The following SYTL2 variants were observed in gnomAD, a reference collection of about 807,000 sequenced individuals.
The protein encoded by SYTL2 is synaptotagmin-like protein 2.
In SYTL2, 165 loss-of-function variants were observed where a neutral mutation model predicts 198.7. The ratio of observed to expected loss-of-function variants is 0.83; its 90% CI spans 0.73 to 0.94. The LOEUF (loss-of-function observed/expected upper bound fraction) is 0.94. Ranked by LOEUF, SYTL2 falls within the 40% of genes least tolerant of loss-of-function variation. The pLI is 0.00. For synonymous variants in SYTL2, 966 were observed against 917.7 expected, an observed-to-expected ratio of 1.05 and a Z score of -0.95; for missense variants, 2,835 against 2,582.8, an observed-to-expected ratio of 1.10 and a Z score of -2.12.
At chr11:85,827,859 T>C in the SYTL2 span, among the ~76,000 whole-genome samples, 2 of 152,206 alleles carry the variant, frequency 1.3e-5, no homozygotes. Context: ...ATCTAGGTAG[T>C]GATAAGAATG....
intron 1 of SYTL2, among the ~76,000 whole-genome samples, chr11:85,777,525 G>A (rs2092471701): frequency 1.3e-5 from 2 of 152,058 alleles, no homozygotes; most frequent in Non-Finnish European, 2.9e-5. Flanking sequence ...AGGGAGAGGA[G>A]GGGAATGGCT....
intron 16 of SYTL2, among the ~76,000 whole-genome samples, chr11:85,702,749 A>G (rs1219750110): frequency 1.3e-5 from 2 of 152,192 alleles, no homozygotes; most frequent in East Asian, 1.9e-4. Context: ...CTCATATGCA[A>G]TACCCCACAT....
Position 85,768,592 on chromosome 11 carries a change from A to G in SYTL2, c.-389-10478T>C, listed in dbSNP as rs1033181415. ...ACTCAATCCCTTTCCATGCCATTAT[A>G]AGGTTGGAGAACTACTTCTGCTACC... On this transcript the variant is annotated intron_variant, in intron 1 of 19. Coordinates refer to ENST00000359152, the MANE Select transcript of SYTL2 (RefSeq NM_206927.4). Among the ~76,000 whole-genome samples, 9 of 152,156 alleles carry G rather than the reference A, an allele frequency of 5.9e-5. 1 individual carries two copies. In the South Asian group the frequency reaches 8.3e-4, roughly 14 times the overall value.
Position 85,727,534 on chromosome 11 carries a change from A to T in SYTL2, c.1824T>A (p.Asn608Lys). Reference sequence around the variant, plus strand: ...TCATGAATTTGGATTTGATATTCACATTATTATCTTGGCAACTTTCAGAAA... The same window carrying T: ...TCATGAATTTGGATTTGATATTCACTTTATTATCTTGGCAACTTTCAGAAA... ...MLVSESCQDN[N>K]VNIKSKFMNL... Residue 608 changes from asparagine to lysine, a missense_variant, in exon 8 of 20, where the codon AAT (asparagine) becomes AAA (lysine). By Grantham distance (94) the Asn-to-Lys change is moderately conservative. Coordinates refer to ENST00000359152, the MANE Select transcript of SYTL2 (RefSeq NM_206927.4). The T allele has an allele frequency of 6.5e-7, 1 of 1,536,054 alleles. No individual in the cohort carries two copies. Among genetic ancestry groups the T allele is most frequent in the East Asian group, 2.4e-5 (1 of 40,906 alleles).
At chr11:85,775,277 G>T (rs2092432506) in intron 1 of SYTL2, among the ~76,000 whole-genome samples, 1 of 152,010 alleles carries the variant, frequency 6.6e-6, no homozygotes. Flanking sequence ...CTCTGTTTGG[G>T]ATTAAGCTAG....
At chr11:85,732,252 A>C (rs2089897764) in intron 7 of SYTL2, among the ~76,000 whole-genome samples, 1 of 152,234 alleles carries the variant, frequency 6.6e-6, no homozygotes, top group African/African-American at 2.4e-5. Flanking sequence ...GTATATATCT[A>C]AAGTATTATA....
chr11:85,781,139 C>T (rs1380016083), intron 1 of SYTL2, among the ~76,000 whole-genome samples: 1 of 152,140 alleles, frequency 6.6e-6, no homozygotes, highest in African/African-American at 2.4e-5. Context: ...GTTTAATTGA[C>T]TCAAAGTTCA....
the SYTL2 span, among the ~76,000 whole-genome samples, chr11:85,817,898 TTTTC>T: frequency 0.02 from 2,616 of 129,742 alleles, 99 homozygotes; most frequent in African/African-American, 0.074. Context: ...CCTTTGTGTC[TTTTC>T]TTTTTTTTTT....
At chr11:85,762,030 T>G (rs2092108484) in intron 1 of SYTL2, among the ~76,000 whole-genome samples, 1 of 152,230 alleles carries the variant, frequency 6.6e-6, no homozygotes, top group African/African-American at 2.4e-5. Context: ...GCCACCAAGC[T>G]TATGTCTGAC....
intron 2 of SYTL2, among the ~76,000 whole-genome samples, chr11:85,755,421 C>T (rs1437677987): frequency 6.6e-6 from 1 of 152,146 alleles, no homozygotes; most frequent in Non-Finnish European, 1.5e-5. Context: ...AGGCTTTTCA[C>T]CAATCCAAGC....
chr11:85,844,139 T>G, the SYTL2 span, among the ~76,000 whole-genome samples: 3 of 152,304 alleles, frequency 2.0e-5, no homozygotes, highest in East Asian at 5.8e-4. Context: ...GCAGTCCCCC[T>G]GTTGGTGACT....
chr11:85,802,650 A>C (rs2092907525), intron 1 of SYTL2, among the ~76,000 whole-genome samples: 1 of 152,354 alleles, frequency 6.6e-6, no homozygotes, highest in African/African-American at 2.4e-5. Flanking sequence ...AAGAGAGGAA[A>C]GAAAGAGAAG....
the SYTL2 span, among the ~76,000 whole-genome samples, chr11:85,849,762 C>T: frequency 8.2e-5 from 12 of 146,796 alleles, no homozygotes; most frequent in Non-Finnish European, 1.2e-4. Context: ...ATTGACTTGG[C>T]GATGCGGGCT....
At position 85,695,123 on chromosome 11, in the gene SYTL2, C is replaced by T; in HGVS notation, c.*72G>A. Reference sequence around the variant, plus strand: ...GATAGAAAGTGAGGATATTTGTCCACCTACTCAGATTTTCAAGATCAGATT... The same window carrying T: ...GATAGAAAGTGAGGATATTTGTCCATCTACTCAGATTTTCAAGATCAGATT... On this transcript the variant is annotated 3_prime_UTR_variant, in exon 20 of 20. Transcript: ENST00000359152. 1.3e-6 allele frequency: 2 copies of T among 1,485,450 alleles called. No homozygotes were observed. Among genetic ancestry groups the T allele is most frequent in the East Asian group, 2.3e-5 (1 of 43,710 alleles). 92.0% of individuals were successfully genotyped at this position (1,485,450 alleles called of 1,614,324 possible).
chr11:85,759,658 C>T (rs1023585700), intron 1 of SYTL2, among the ~76,000 whole-genome samples: 2 of 152,196 alleles, frequency 1.3e-5, no homozygotes. Context: ...GATCTCCCCC[C>T]ATGAAGTTTG....
chr11:85,815,116 G>A (rs1164461935), upstream of SYTL2, among the ~76,000 whole-genome samples: 1 of 152,080 alleles, frequency 6.6e-6, no homozygotes, highest in African/African-American at 2.4e-5. Flanking sequence ...TACACAATAG[G>A]CACTAAATAA....
chr11:85,759,425 G>A (rs928657719), intron 1 of SYTL2, among the ~76,000 whole-genome samples: 2 of 152,152 alleles, frequency 1.3e-5, no homozygotes. Flanking sequence ...CGACCACTGT[G>A]AAGCTGTTTT....
At position 85,726,702 on chromosome 11, in the gene SYTL2, C is replaced by T; in HGVS notation, c.2656G>A (p.Gly886Ser). 2.0e-6 allele frequency: 3 copies of T among 1,536,174 alleles called. No homozygotes were observed. Among genetic ancestry groups the T allele is most frequent in the Non-Finnish European group, 2.6e-6 (3 of 1,146,918 alleles). The change falls in exon 8 of 20, where the codon GGT (glycine) becomes AGT (serine). Residue 886 changes from glycine to serine, a missense_variant. Physicochemically the swap from Gly to Ser is moderately conservative, Grantham distance 56 (BLOSUM62 0). This residue lies in a region of SYTL2 where 2,645 missense variants were observed against 2,381.7 expected (regional missense o/e 1.11). Coordinates refer to ENST00000359152, the MANE Select transcript of SYTL2 (RefSeq NM_206927.4). ...KSKETKPQIAGPSRYYLSAEQ... is the reference protein window; with the variant it reads ...KSKETKPQIASPSRYYLSAEQ... Reference sequence around the variant, plus strand: ...GCTGAAAGATAGTATCTGGATGGACCTGCTATTTGTGGCTTGGTCTCTTTA... The same window carrying T: ...GCTGAAAGATAGTATCTGGATGGACTTGCTATTTGTGGCTTGGTCTCTTTA...
At chr11:85,813,082 G>A (rs1418279544), upstream of SYTL2, among the ~76,000 whole-genome samples, 1 of 152,146 alleles carries the variant, frequency 6.6e-6, no homozygotes, top group Non-Finnish European at 1.5e-5. Context: ...AAATAGCAAT[G>A]CCTAAATGCT....
Sources: gnomAD v4.1 joint callset for allele counts (sites outside exome capture counted in the v4.1 genomes callset) on GRCh38, gnomAD v4.1.1 for gene constraint, gnomAD v4.1.1 regional missense constraint, MANE v1.5 for transcripts, NCBI Gene and HGNC (gene_info 2026-07-23, HGNC 2026-07-21) for gene names.